SPX: variants seen among roughly 807,000 people sequenced by gnomAD.
The protein encoded by SPX is spexin.
Under a neutral mutation model 19.2 loss-of-function variants are expected in SPX, and 22 were observed. That is an observed-to-expected ratio of 1.15 (90% CI 0.82 to 1.64). The LOEUF (loss-of-function observed/expected upper bound fraction) is 1.64, where lower values mean the gene tolerates loss of function less well. SPX is among the 40% of genes most tolerant of loss of function. The pLI, the probability that SPX is intolerant of heterozygous loss-of-function variation, is 0.00. For synonymous variants in SPX, 50 were observed against 53.3 expected (o/e 0.94, Z 0.27); for missense variants, 143 against 137.7 (o/e 1.04, Z -0.19).
intron 5 of SPX, 151 bp from the exon 6 acceptor site, chr12:21,530,986 C>A: frequency 3.4e-6 from 2 of 580,460 alleles, no homozygotes; most frequent in South Asian, 4.8e-5. Flanking sequence ...AAATCAAAGC[C>A]CATATTGTTT....
chr12:21,529,504 C>T (rs1311659969), intron 5 of SPX, among the ~76,000 whole-genome samples: 1 of 152,030 alleles, frequency 6.6e-6, no homozygotes, highest in Non-Finnish European at 1.5e-5. Flanking sequence ...CATTCAGTAG[C>T]TGATGCTACT....
chr12:21,527,180 C>G lies in SPX; in HGVS notation c.133C>G (p.Leu45Val), dbSNP rs1168156076. Residue 45 changes from leucine (L) to valine (V), a missense_variant, in exon 3 of 6, where the codon CTG becomes GTG. Transcript: ENST00000256969. ...CTGGACTCCTCAAGCTATGCTCTACCTGAAAGGGGCACGTAAGTTCCAAAT... is the reference window on the plus strand; with the variant it reads ...CTGGACTCCTCAAGCTATGCTCTACGTGAAAGGGGCACGTAAGTTCCAAAT... The part of the protein sequence containing the change: ...RNWTPQAMLY[L>V]KGAQGRRFIS... 1 of 1,613,954 alleles carries G rather than the reference C, an allele frequency of 6.2e-7. No individual in the cohort carries two copies. Among genetic ancestry groups the G allele is most frequent in the African/African-American group, 1.3e-5 (1 of 75,028 alleles).
rs951021149 is a variant in SPX, at chr12:21,527,914, C to G, written c.208+125C>G. 7 of 1,136,314 alleles carry G rather than the reference C, an allele frequency of 6.2e-6. No individual in the cohort carries two copies. In the African/African-American group the frequency reaches 1.1e-4, roughly 18 times the overall value. The allele number at this position is 1,136,314 out of a possible 1,614,324, so 70.4% of individuals were successfully genotyped here. ...TCACCGGAAAGACGCGGCTCTGAGGCGCCCTCAGATACAGTCCGCCCGAGG... is the reference window on the plus strand; with the variant it reads ...TCACCGGAAAGACGCGGCTCTGAGGGGCCCTCAGATACAGTCCGCCCGAGG... On this transcript the variant is annotated intron_variant, in intron 4 of 5. Coordinates refer to ENST00000256969, the MANE Select transcript of SPX (RefSeq NM_030572.4).
chr12:21,531,248 C>A lies in SPX; in HGVS notation c.*53C>A. 7.6e-7 allele frequency: 1 copy of A among 1,323,578 alleles called. No individual in the cohort carries two copies. The allele number at this position is 1,323,578 out of a possible 1,614,324, so 82.0% of individuals were successfully genotyped here. On this transcript the variant is annotated 3_prime_UTR_variant, in exon 6 of 6. Coordinates refer to ENST00000256969, the MANE Select transcript of SPX (RefSeq NM_030572.4). ...GTTCTATTCTCTTTGAAAACATGAA[C>A]CATGTGAATAAAACCTTTGGACCCT...
At position 21,531,914 on chromosome 12, in the gene SPX, G is replaced by T. The variant is rs537032103; in HGVS notation, c.*719G>T. The T allele has an allele frequency of 6.6e-6, 1 of 152,268 alleles. No individual in the cohort carries two copies. Among genetic ancestry groups the T allele is most frequent in the South Asian group, 2.1e-4 (1 of 4,822 alleles). The allele number at this position is 152,268 out of a possible 1,614,324, so 9.4% of individuals were successfully genotyped here. A position where few individuals can be genotyped will look rare whatever the true frequency, so the allele number is the denominator to read the frequency against. On this transcript the variant is annotated 3_prime_UTR_variant, in exon 6 of 6. Coordinates refer to ENST00000256969, the MANE Select transcript of SPX (RefSeq NM_030572.4). ...GATGGAGACACACTCTGTTGTTTAC[G>T]TATTGGAAGAAGGGAACAAGCCAGT...
chr12:21,530,394 A>G (rs1591769729), intron 5 of SPX, among the ~76,000 whole-genome samples: 3 of 152,320 alleles, frequency 2.0e-5, no homozygotes, highest in Admixed American at 2.0e-4. Context: ...CTAGAAATTC[A>G]GGTTAAGATG....
intron 5 of SPX, among the ~76,000 whole-genome samples, chr12:21,530,234 A>C (rs1283972082): frequency 6.6e-6 from 1 of 152,100 alleles, no homozygotes; most frequent in Non-Finnish European, 1.5e-5. Context: ...ATTCTATACT[A>C]CCTCATTATT....
chr12:21,526,733 A>G (rs1338655806), intron 1 of SPX, among the ~76,000 whole-genome samples, 153 bp from the exon 2 acceptor site: 2 of 152,240 alleles, frequency 1.3e-5, no homozygotes, highest in Non-Finnish European at 2.9e-5. Context: ...TGAATTAACT[A>G]GAAGGTAGAA....
chr12:21,527,569 G>A, intron 3 of SPX, 158 bp from the exon 4 acceptor site: 1 of 728,786 alleles, frequency 1.4e-6, no homozygotes. Flanking sequence ...GGGTTGCGCT[G>A]GGAGCGCTGG....
At chr12:21,527,620 G>A (rs1943826655) in intron 3 of SPX, 107 bp from the exon 4 acceptor site, 7 of 1,148,580 alleles carry the variant, frequency 6.1e-6, no homozygotes, top group Non-Finnish European at 8.9e-6. Flanking sequence ...GGAGCAACCT[G>A]CCCCCTCCCC....
intron 4 of SPX, among the ~76,000 whole-genome samples, chr12:21,528,477 G>GA (rs1943835646): frequency 6.6e-6 from 1 of 152,108 alleles, no homozygotes; most frequent in African/African-American, 2.4e-5. Flanking sequence ...TACTTACTTG[G>GA]AAAAATACCA....
At chr12:21,527,344 T>A in intron 3 of SPX, 152 bp downstream of exon 3, 1 of 709,326 alleles carries the variant, frequency 1.4e-6, no homozygotes, top group Non-Finnish European at 2.4e-6. Context: ...GAGGGAGGGG[T>A]GGGAGAGGGG....
chr12:21,528,957 T>C (rs1943839378), intron 4 of SPX, 44 bp from the exon 5 acceptor site: 5 of 1,517,496 alleles, frequency 3.3e-6, no homozygotes, highest in Non-Finnish European at 4.6e-6. Context: ...TCTACATCAA[T>C]ATATAAATGC....
chr12:21,529,799 A>C (rs975044592), intron 5 of SPX, among the ~76,000 whole-genome samples: 1 of 152,230 alleles, frequency 6.6e-6, no homozygotes, highest in Non-Finnish European at 1.5e-5. Flanking sequence ...AAGGTGTGAA[A>C]TAGTTGAATA....
chr12:21,527,883 G>A (rs1037794700), intron 4 of SPX, 94 bp downstream of exon 4: 1 of 1,406,546 alleles, frequency 7.1e-7, no homozygotes, highest in Non-Finnish European at 9.7e-7. Context: ...GAAAGAAAGC[G>A]TCTCCTCACC....
chr12:21,529,145 T>C, intron 5 of SPX, 61 bp downstream of exon 5: 4 of 1,533,744 alleles, frequency 2.6e-6, no homozygotes, highest in Non-Finnish European at 3.6e-6. Flanking sequence ...CTTTCGGGAT[T>C]CTGTGTTGAG....
At position 21,529,036 on chromosome 12, in the gene SPX, C is replaced by G. The variant is rs1208231820; in HGVS notation, c.244C>G (p.Pro82Ala). The change falls in exon 5 of 6, where the codon CCG becomes GCG. Residue 82 changes from proline to alanine, a missense_variant. Coordinates refer to ENST00000256969, the MANE Select transcript of SPX (RefSeq NM_030572.4). Reference protein sequence around the residue: ...RSPNPQLLTIPEAATILLASL... With the variant: ...RSPNPQLLTIAEAATILLASL... ...CCCAAATCCCCAACTACTAACTATT[C>G]CGGAGGCAGCAACCATCTTACTGGC... The G allele has an allele frequency of 6.2e-7, 1 of 1,614,102 alleles. No homozygotes were observed. Among genetic ancestry groups the G allele is most frequent in the East Asian group, 2.2e-5 (1 of 44,874 alleles).
chr12:21,530,429 GCA>G (rs1478197008), intron 5 of SPX, among the ~76,000 whole-genome samples: 7 of 152,090 alleles, frequency 4.6e-5, no homozygotes, highest in Admixed American at 1.3e-4. Flanking sequence ...AAATTATATT[GCA>G]ACTAACTGAA....
intron 5 of SPX, among the ~76,000 whole-genome samples, chr12:21,529,307 C>A (rs1004893203): frequency 1.3e-5 from 2 of 151,816 alleles, no homozygotes; most frequent in African/African-American, 2.4e-5. Context: ...CTTCAGAGCC[C>A]GTTAATAAAG....
Sources: allele counts gnomAD v4.1 joint callset (sites outside exome capture counted in the v4.1 genomes callset), GRCh38; gene constraint gnomAD v4.1.1; transcripts MANE v1.5; gene names NCBI Gene and HGNC (gene_info 2026-07-23, HGNC 2026-07-21).